CNTNAP2: variants seen among roughly 807,000 people sequenced by gnomAD.
CNTNAP2 encodes contactin-associated protein-like 2.
Under a neutral mutation model 155.2 loss-of-function variants are expected in CNTNAP2, and 98 were observed. The ratio of observed to expected loss-of-function variants is 0.63; its 90% confidence interval spans 0.54 to 0.75. CNTNAP2 has a LOEUF of 0.75. CNTNAP2 is among the 30% of genes least tolerant of loss of function. CNTNAP2 has a pLI of 0.00. For synonymous variants in CNTNAP2, 651 were observed against 631.2 expected (o/e 1.03, Z -0.47); for missense variants, 1,727 against 1,688.1 (o/e 1.02, Z -0.40).
chr7:146,505,172 A>C (rs73164051), intron 1 of CNTNAP2, among the ~76,000 whole-genome samples: 35,930 of 152,088 alleles, frequency 0.24, 5,413 homozygotes, highest in Non-Finnish European at 0.34. Flanking sequence ...CCAGTTTTCC[A>C]CAGAAGCTGG....
At chr7:148,108,507 T>G (rs769669984) in intron 15 of CNTNAP2, among the ~76,000 whole-genome samples, 2 of 152,124 alleles carry the variant, frequency 1.3e-5, no homozygotes, top group Non-Finnish European at 2.9e-5. Flanking sequence ...GCTGAGGAAG[T>G]GACCGCTGCA....
chr7:146,794,645 G>A (rs1802735816), intron 2 of CNTNAP2, among the ~76,000 whole-genome samples: 1 of 152,130 alleles, frequency 6.6e-6, no homozygotes, highest in African/African-American at 2.4e-5. Context: ...TGTATGTAGT[G>A]AAGCCAGGAT....
rs190483546 is a variant in CNTNAP2 at position 147,332,237 on chromosome 7, G to A, written c.1498+31947G>A. ...GGTTCAACTATATGTACTATGATGC[G>A]CTCTATTCTGGGTACCAAACTTCAA... On this transcript the variant is annotated intron_variant, in intron 9 of 23. Transcript: ENST00000361727. 9.2e-5 allele frequency among the ~76,000 whole-genome samples: 14 copies of A among 152,254 alleles called. 1 individual carries two copies. The highest frequency in any genetic ancestry group is 1.7e-4 in the African/African-American group (7 of 41,558).
rs375496809 is a variant in CNTNAP2, at chr7:146,603,034, A to C, written c.98-171237A>C. Among the ~76,000 whole-genome samples the C allele has an allele frequency of 4.0e-5, 6 of 151,712 alleles. 1 individual carries two copies. Among genetic ancestry groups the C allele is most frequent in the Non-Finnish European group, 1.5e-5 (1 of 67,900 alleles). ...TGTAACTTAAATGCTAGTAAGACCT[A>C]TTCAAGCAAGCATAGGGCTCTGCAC... is the stretch of plus-strand genomic sequence containing the variant. On this transcript the variant is annotated intron_variant, in intron 1 of 23. Coordinates refer to ENST00000361727, the MANE Select transcript of CNTNAP2 (RefSeq NM_014141.6).
At chr7:148,048,871 T>C (rs995612846) in intron 15 of CNTNAP2, among the ~76,000 whole-genome samples, 1 of 152,130 alleles carries the variant, frequency 6.6e-6, no homozygotes, top group African/African-American at 2.4e-5. Flanking sequence ...CTCCCTTATA[T>C]ACTCTTGAGA....
intron 21 of CNTNAP2, among the ~76,000 whole-genome samples, chr7:148,304,594 G>A (rs1267189460): frequency 6.6e-6 from 1 of 152,202 alleles, no homozygotes; most frequent in African/African-American, 2.4e-5. Context: ...CACAAAAGCA[G>A]CTGTGGGCAA....
chr7:147,812,505 TAA>T (rs111453178), intron 13 of CNTNAP2, among the ~76,000 whole-genome samples: 2 of 137,974 alleles, frequency 1.4e-5, no homozygotes, highest in African/African-American at 2.6e-5. Context: ...ATTTAAAAAG[TAA>T]AAAAAAAAAA....
Position 147,132,235 on chromosome 7 carries a change from T to A in CNTNAP2, c.1084-10T>A. 6.2e-7 allele frequency: 1 copy of A among 1,613,530 alleles called. No homozygotes were observed. Among genetic ancestry groups the A allele is most frequent in the South Asian group, 1.1e-5 (1 of 91,072 alleles). On this transcript the variant is annotated splice_polypyrimidine_tract_variant and intron_variant, in intron 7 of 23. Transcript: ENST00000361727. Reference sequence around the variant, plus strand: ...GTGTTTTCCTCAGAGCCTGTCTTTCTATTTTACAGGGAAATTTGAGCTTTT... The same window carrying A: ...GTGTTTTCCTCAGAGCCTGTCTTTCAATTTTACAGGGAAATTTGAGCTTTT...
chr7:147,131,332 A>T (rs1235011568), intron 7 of CNTNAP2, among the ~76,000 whole-genome samples: 1 of 151,878 alleles, frequency 6.6e-6, no homozygotes, highest in East Asian at 1.9e-4. Context: ...TGAAAATATC[A>T]TCCAATTACA....
At chr7:146,423,474 GGAAAAAAGGGTTAGAGAGATGAATGATT>G (rs1796043600) in intron 1 of CNTNAP2, among the ~76,000 whole-genome samples, 1 of 152,024 alleles carries the variant, frequency 6.6e-6, no homozygotes, top group African/African-American at 2.4e-5. Context: ...GTGTATGCAA[GGAAAAAAGGGTTAGAGAGATGAATGATT>G]GATTCCTACT....
chr7:147,330,165 G>A (rs1396429059), intron 9 of CNTNAP2, among the ~76,000 whole-genome samples: 1 of 152,062 alleles, frequency 6.6e-6, no homozygotes, highest in Non-Finnish European at 1.5e-5. Flanking sequence ...CCTCCTAGAA[G>A]GGAAGCAGGG....
intron 3 of CNTNAP2, among the ~76,000 whole-genome samples, chr7:146,931,185 A>C (rs1349292324): frequency 6.6e-6 from 1 of 152,058 alleles, no homozygotes; most frequent in Non-Finnish European, 1.5e-5. Flanking sequence ...CATAGTTGGA[A>C]GTAAAGCTCT....
intron 13 of CNTNAP2, among the ~76,000 whole-genome samples, chr7:147,741,081 G>A (rs959840833): frequency 2.0e-5 from 3 of 152,206 alleles, no homozygotes; most frequent in Admixed American, 1.3e-4. Context: ...AGAGAAGTCT[G>A]CCAAAGAATA....
At chr7:146,421,425 T>A (rs1464667587) in intron 1 of CNTNAP2, among the ~76,000 whole-genome samples, 1 of 152,036 alleles carries the variant, frequency 6.6e-6, no homozygotes, top group Admixed American at 6.6e-5. Context: ...GTTAGAATAA[T>A]ATTAATGTGT....
intron 15 of CNTNAP2, among the ~76,000 whole-genome samples, chr7:148,004,046 T>C (rs1563164124): frequency 6.6e-6 from 1 of 152,210 alleles, no homozygotes. Flanking sequence ...TTACATCAAA[T>C]ATTTAAATCA....
rs191187347 is a variant in CNTNAP2 at position 148,089,935 on chromosome 7, C to T, written c.2384-28183C>T. ...ACTAGCATAAATACAGACACATATACCAATGGAACAGAATAAAGACCCCAG... is the reference window on the plus strand; with the variant it reads ...ACTAGCATAAATACAGACACATATATCAATGGAACAGAATAAAGACCCCAG... On this transcript the variant is annotated intron_variant, in intron 15 of 23. Coordinates refer to ENST00000361727, the MANE Select transcript of CNTNAP2 (RefSeq NM_014141.6). Among the ~76,000 whole-genome samples the T allele has an allele frequency of 7.6e-4, 116 of 151,846 alleles. 1 individual carries two copies. The highest frequency in any genetic ancestry group is 2.0e-3 in the Admixed American group (30 of 15,238).
intron 1 of CNTNAP2, among the ~76,000 whole-genome samples, chr7:146,218,146 G>A (rs1799144320): frequency 1.3e-5 from 2 of 152,092 alleles, no homozygotes; most frequent in Non-Finnish European, 2.9e-5. Context: ...CCCAAACCAC[G>A]TGAGAGTTCA....
chr7:148,156,704 A>T (rs1437724107), intron 17 of CNTNAP2, among the ~76,000 whole-genome samples: 2 of 152,178 alleles, frequency 1.3e-5, no homozygotes, highest in Non-Finnish European at 2.9e-5. Flanking sequence ...TGGGCATCTT[A>T]GAATAAACAT....
chr7:147,881,519 G>A (rs186538030), intron 13 of CNTNAP2, among the ~76,000 whole-genome samples: 2 of 152,264 alleles, frequency 1.3e-5, no homozygotes, highest in African/African-American at 2.4e-5. Context: ...AGTAGTCGTC[G>A]GTCTAGAAAG....
Sources: allele counts gnomAD v4.1 joint callset (sites outside exome capture counted in the v4.1 genomes callset), GRCh38; gene constraint gnomAD v4.1.1; transcripts MANE v1.5; gene names NCBI Gene and HGNC (gene_info 2026-07-23, HGNC 2026-07-21).